Variants in XYLT1 observed in about 807,000 individuals in gnomAD.
The protein encoded by XYLT1 is xylosyltransferase 1, also known as beta-D-xylosyltransferase 1.
Under a neutral mutation model 91.3 loss-of-function variants are expected in XYLT1, and 36 were observed. That is an observed-to-expected ratio of 0.39 (90% CI 0.30 to 0.52). The LOEUF (loss-of-function observed/expected upper bound fraction) is 0.52, where lower values mean the gene tolerates loss of function less well. Among genes scored for constraint, XYLT1 ranks in the 20% least tolerant of loss-of-function variants. XYLT1 has a pLI of 0.68. For synonymous variants in XYLT1, 588 were observed against 532.0 expected (o/e 1.11, Z -1.45); for missense variants, 1,242 against 1,284.5 (o/e 0.97, Z 0.51).
chr16:17,470,756 G>C lies in XYLT1; in HGVS notation c.41C>G (p.Ser14Trp). 1 of 1,097,616 alleles carries C rather than the reference G, an allele frequency of 9.1e-7. No homozygotes were observed. The allele number at this position is 1,097,616 out of a possible 1,614,324, so 68.0% of individuals were successfully genotyped here. ...GAGCGCCGCGAGCAGCGCCGAGTGC[G>C]AGCGCCGGGCCAGCCTCCGGGCGCA... ...APCARRLARR[S>W]HSALLAALTV... is the part of the protein sequence containing the mutation. Residue 14 changes from serine (S) to tryptophan (W), a missense_variant, in exon 1 of 12, where the codon TCG becomes TGG. Around this residue, in one of 3 missense-constraint regions of XYLT1, gnomAD observed 437 missense variants for 411.5 expected, o/e 1.06. Transcript: ENST00000261381.
intron 1 of XYLT1, chr16:17,446,251 A>C (rs2036590025): frequency 6.6e-6 from 1 of 152,252 alleles, no homozygotes; most frequent in Non-Finnish European, 1.5e-5. Context: ...GCCATGCTCC[A>C]CAGTTTCAAA....
chr16:17,468,109 C>T (rs1455826520), intron 1 of XYLT1, among the ~76,000 whole-genome samples: 1 of 152,132 alleles, frequency 6.6e-6, no homozygotes, highest in Non-Finnish European at 1.5e-5. Context: ...CTATACCAGA[C>T]TTTGGGAACA....
At chr16:17,308,078 C>CA (rs2034493826) in intron 2 of XYLT1, among the ~76,000 whole-genome samples, 1 of 152,040 alleles carries the variant, frequency 6.6e-6, no homozygotes, top group African/African-American at 2.4e-5. Context: ...GTTGGCATTT[C>CA]TCAAGATCTA....
At chr16:17,184,674 AC>A (rs2032145545) in intron 5 of XYLT1, among the ~76,000 whole-genome samples, 1 of 152,168 alleles carries the variant, frequency 6.6e-6, no homozygotes, top group Non-Finnish European at 1.5e-5. Context: ...CATTTCCATC[AC>A]CCCCGAAAGT....
intron 3 of XYLT1, among the ~76,000 whole-genome samples, chr16:17,208,880 A>C (rs1441451080): frequency 1.3e-5 from 2 of 152,032 alleles, no homozygotes; most frequent in Non-Finnish European, 2.9e-5. Context: ...GCCCACCACC[A>C]CGCCCGGCTA....
chr16:17,264,709 T>C (rs973458763), intron 2 of XYLT1, among the ~76,000 whole-genome samples: 7 of 152,196 alleles, frequency 4.6e-5, no homozygotes, highest in South Asian at 2.1e-4. Flanking sequence ...TTGAATCTTC[T>C]TGAAAACTCA....
intron 1 of XYLT1, among the ~76,000 whole-genome samples, chr16:17,428,370 C>G (rs866036751): frequency 1.1e-4 from 16 of 152,298 alleles, no homozygotes; most frequent in Middle Eastern, 3.4e-3. Context: ...ACACCTGACC[C>G]TGTCACTTTC....
Position 17,285,433 on chromosome 16 carries a change from G to A in XYLT1, c.403-25935C>T, listed in dbSNP as rs1053159589. On this transcript the variant is annotated intron_variant, in intron 2 of 11. Transcript: ENST00000261381. ...TCCAGCATTATTCTGGAGAGATCTG[G>A]TAGCAGAATTAATGACTCTGGCATT... Among the ~76,000 whole-genome samples, 3 of 152,220 alleles carry A rather than the reference G, an allele frequency of 2.0e-5. No individual in the cohort carries two copies. In the South Asian group the frequency reaches 6.2e-4, roughly 31 times the overall value.
chr16:17,284,908 T>C (rs906057807), intron 2 of XYLT1, among the ~76,000 whole-genome samples: 1 of 152,148 alleles, frequency 6.6e-6, no homozygotes, highest in Admixed American at 6.5e-5. Flanking sequence ...GAAAGCAAGA[T>C]GGGGCTGAAC....
chr16:17,388,430 G>C (rs1468300210), intron 1 of XYLT1, among the ~76,000 whole-genome samples: 2 of 152,024 alleles, frequency 1.3e-5, no homozygotes, highest in African/African-American at 4.8e-5. Context: ...TCATGAACAG[G>C]GCCTCAGGAA....
intron 1 of XYLT1, among the ~76,000 whole-genome samples, chr16:17,393,251 G>A (rs1465051195): frequency 6.6e-6 from 1 of 152,196 alleles, no homozygotes; most frequent in Non-Finnish European, 1.5e-5. Context: ...GTGAGCAGGT[G>A]GATCTGAAGG....
At chr16:17,305,474 G>A (rs985540419) in intron 2 of XYLT1, among the ~76,000 whole-genome samples, 14 of 149,972 alleles carry the variant, frequency 9.3e-5, no homozygotes, top group Admixed American at 5.3e-4. Context: ...GGAGTGCAGT[G>A]GTGCGATCTC....
At position 17,187,157 on chromosome 16, in the gene XYLT1, C is replaced by T. The variant is rs190077435; in HGVS notation, c.1289+11055G>A. On this transcript the variant is annotated intron_variant, in intron 5 of 11. Transcript: ENST00000261381. ...CTGTAATCCCAGGACTTTGGGAGGC[C>T]GAGGTGGGCAGATCACTTGAGGCCA... 2.0e-4 allele frequency among the ~76,000 whole-genome samples: 31 copies of T among 151,712 alleles called. No individual in the cohort carries two copies. The East Asian group carries it at 5.1e-3, about 25-fold the overall frequency.
chr16:17,307,236 G>A (rs1282521621), intron 2 of XYLT1, among the ~76,000 whole-genome samples: 2 of 152,050 alleles, frequency 1.3e-5, no homozygotes, highest in Admixed American at 6.6e-5. Context: ...AGACCACCAC[G>A]CCCAGTAATT....
At chr16:17,369,089 G>A (rs181743866) in intron 1 of XYLT1, among the ~76,000 whole-genome samples, 5 of 149,904 alleles carry the variant, frequency 3.3e-5, no homozygotes, top group Non-Finnish European at 7.4e-5. Context: ...AAAATGCTTG[G>A]ATGTGGTATG....
At chr16:17,265,333 C>T (rs1454922256) in intron 2 of XYLT1, among the ~76,000 whole-genome samples, 1 of 152,208 alleles carries the variant, frequency 6.6e-6, no homozygotes, top group Non-Finnish European at 1.5e-5. Flanking sequence ...CACTCTCTCT[C>T]CCCTGACAGT....
Position 17,108,694 on chromosome 16 carries a change from G to A in XYLT1, c.*1C>T, listed in dbSNP as rs1296502993. 3.8e-6 allele frequency: 6 copies of A among 1,568,056 alleles called. No homozygotes were observed. Among genetic ancestry groups the A allele is most frequent in the Non-Finnish European group, 5.2e-6 (6 of 1,158,442 alleles). ...CTGTGGCCCACTCCTCGTGCCCAGT[G>A]CTACCTGAGCCGGCCATCAGGTTTG... is the stretch of plus-strand genomic sequence containing the variant. On this transcript the variant is annotated 3_prime_UTR_variant, in exon 12 of 12. Transcript: ENST00000261381.
At chr16:17,291,860 AG>A (rs753442318) in intron 2 of XYLT1, among the ~76,000 whole-genome samples, 29 of 152,134 alleles carry the variant, frequency 1.9e-4, no homozygotes, top group Non-Finnish European at 3.8e-4. Context: ...TGTGGGGACG[AG>A]GTGTGGTAAG....
intron 2 of XYLT1, among the ~76,000 whole-genome samples, chr16:17,354,484 C>A (rs1044131956): frequency 6.6e-6 from 1 of 152,154 alleles, no homozygotes; most frequent in Non-Finnish European, 1.5e-5. Flanking sequence ...AAGGAAAGGG[C>A]CCCTGCACAG....
Sources: allele counts gnomAD v4.1 joint callset (sites outside exome capture counted in the v4.1 genomes callset), GRCh38; gene constraint gnomAD v4.1.1; regional missense constraint gnomAD v4.1.1; transcripts MANE v1.5; gene names NCBI Gene and HGNC (gene_info 2026-07-23, HGNC 2026-07-21).